The following MICAL2 variants were observed in gnomAD, a reference collection of about 807,000 sequenced individuals.
MICAL2 encodes microtubule associated monooxygenase, calponin and LIM domain containing 2.
In MICAL2, 77 loss-of-function variants were observed where a neutral mutation model predicts 127.3. That is an observed-to-expected ratio of 0.60 (90% CI 0.50 to 0.73). MICAL2 has a LOEUF of 0.73. Among genes scored for constraint, MICAL2 ranks in the 30% least tolerant of loss-of-function variants. The probability of loss-of-function intolerance (pLI) is 0.00; values close to 1 mark genes in which losing one functional copy is unlikely to be tolerated. For synonymous variants in MICAL2, 570 were observed against 551.1 expected, an observed-to-expected ratio of 1.03 and a Z score of -0.48; for missense variants, 1,351 against 1,434.4, an observed-to-expected ratio of 0.94 and a Z score of 0.94.
chr11:12,239,436 C>G lies in MICAL2; in HGVS notation c.2065C>G (p.Pro689Ala), dbSNP rs770109862. ...RRKGFTNLDE[P>A]SNFSSRSLGS... is the part of the protein sequence containing the mutation. ...CAGTGTCCCGTTTCAACCTTTGCAG[C>G]CTTCAAACTTTTCCAGCCGTAGCTT... The change falls in exon 17 of 28, where the codon CCT (proline) becomes GCT (alanine). Residue 689 changes from proline (P) to alanine (A), a missense_variant and splice_region_variant. Physicochemically the swap from Pro to Ala is conservative, Grantham distance 27 (BLOSUM62 -1). Around this residue, in one of 2 missense-constraint regions of MICAL2, gnomAD observed 752 missense variants for 719.4 expected, o/e 1.05. Transcript: ENST00000683283. 1.2e-5 allele frequency: 20 copies of G among 1,613,930 alleles called. No individual in the cohort carries two copies. The East Asian group carries it at 2.7e-4, about 22-fold the overall frequency.
Position 12,226,498 on chromosome 11 carries a change from G to A in MICAL2, c.1888+128G>A, listed in dbSNP as rs1857465770. 9.0e-6 allele frequency: 8 copies of A among 892,134 alleles called. No individual in the cohort carries two copies. In the South Asian group the frequency reaches 1.4e-4, roughly 15 times the overall value. The allele number at this position is 892,134 out of a possible 1,614,324, so 55.3% of individuals were successfully genotyped here. A position where few individuals can be genotyped will look rare whatever the true frequency, so the allele number is the denominator to read the frequency against. ...CCAGTGTGTTCCCCTTGACTTTGAG[G>A]CCAAACAGGGGTGACTCCACTCACC... On this transcript the variant is annotated intron_variant, in intron 14 of 27. Coordinates refer to ENST00000683283, the MANE Select transcript of MICAL2 (RefSeq NM_001282663.2).
At chr11:12,166,040 C>T (rs1226393436) in intron 3 of MICAL2, among the ~76,000 whole-genome samples, 2 of 152,132 alleles carry the variant, frequency 1.3e-5, no homozygotes, top group African/African-American at 2.4e-5. Flanking sequence ...AGGGTAACAC[C>T]TGACTCGAAT....
At chr11:12,248,489 G>A (rs192402962) in intron 21 of MICAL2, among the ~76,000 whole-genome samples, 3 of 152,318 alleles carry the variant, frequency 2.0e-5, no homozygotes, top group Admixed American at 1.3e-4. Flanking sequence ...TTGCCATGCC[G>A]TTGAGCTCTT....
rs143558223 is a variant in MICAL2 at position 12,317,786 on chromosome 11, C to T, written c.5213-1910C>T. Among the ~76,000 whole-genome samples, 1,187 of 123,966 alleles carry T rather than the reference C, an allele frequency of 9.6e-3. 13 individuals carry two copies. The highest frequency in any genetic ancestry group is 0.03 in the African/African-American group (1,142 of 38,552). The allele number at this position is 123,966 out of a possible 152,430, so 81.3% of individuals were successfully genotyped here. A position where few individuals can be genotyped will look rare whatever the true frequency, so the allele number is the denominator to read the frequency against. On this transcript the variant is annotated intron_variant, in intron 29 of 34. Transcript: ENST00000646065. ...CAGCCTGAGTGACAGAGCAAGACTCCGTCTCAAAAAAAAAAAAAAGTACTA... is the reference window on the plus strand; with the variant it reads ...CAGCCTGAGTGACAGAGCAAGACTCTGTCTCAAAAAAAAAAAAAAGTACTA...
At chr11:12,317,755 A>G (rs1201828125) in intron 29 of MICAL2, among the ~76,000 whole-genome samples, 8 of 151,480 alleles carry the variant, frequency 5.3e-5, no homozygotes, top group East Asian at 1.9e-4. Context: ...TCATGCCACT[A>G]CACTCCAGCC....
At chr11:12,271,999 G>GT (rs1863680623), upstream of MICAL2, among the ~76,000 whole-genome samples, 1 of 152,178 alleles carries the variant, frequency 6.6e-6, no homozygotes, top group African/African-American at 2.4e-5. Flanking sequence ...CGCTGGCCCT[G>GT]GCTCTGTGCT....
Position 12,162,114 on chromosome 11 carries a change from C to G in MICAL2, c.-42C>G, listed in dbSNP as rs372247787. 6.2e-7 allele frequency: 1 copy of G among 1,612,118 alleles called. No individual in the cohort carries two copies. The highest frequency in any genetic ancestry group is 8.5e-7 in the Non-Finnish European group (1 of 1,179,252). On this transcript the variant is annotated 5_prime_UTR_variant, in exon 3 of 28. Transcript: ENST00000683283. ...TCTCCAGATACTTCATGCTGTTCAC[C>G]TGTGTCCTCGCCGCACCACTGCCGC...
chr11:12,136,555 A>G (rs1851854242), intron 1 of MICAL2, among the ~76,000 whole-genome samples: 1 of 152,054 alleles, frequency 6.6e-6, no homozygotes, highest in Admixed American at 6.5e-5. Flanking sequence ...GGGGCAGCTG[A>G]ATGGGGTCCT....
chr11:12,304,554 G>A (rs1414475935), intron 29 of MICAL2, among the ~76,000 whole-genome samples: 2 of 152,016 alleles, frequency 1.3e-5, no homozygotes, highest in African/African-American at 4.8e-5. Flanking sequence ...AGAATTGCTT[G>A]AACTTGGGAG....
chr11:12,254,791 G>A (rs1360693910), intron 22 of MICAL2: 5 of 152,018 alleles, frequency 3.3e-5, no homozygotes, highest in Admixed American at 6.6e-5. Context: ...TGCACCCCAC[G>A]GTGAATGTAA....
chr11:12,329,640 C>A (rs1864392030), intron 32 of MICAL2, among the ~76,000 whole-genome samples: 1 of 152,124 alleles, frequency 6.6e-6, no homozygotes, highest in Non-Finnish European at 1.5e-5. Context: ...ATTATCAGGT[C>A]ATTTTGAGAA....
intron 2 of MICAL2, among the ~76,000 whole-genome samples, chr11:12,152,133 C>CA (rs71037057): frequency 0.12 from 15,377 of 123,394 alleles, 1,169 homozygotes; most frequent in African/African-American, 0.24. Flanking sequence ...ACTAAAAATA[C>CA]AAAAAAAAAA....
intron 29 of MICAL2, among the ~76,000 whole-genome samples, chr11:12,298,408 C>T (rs529608956): frequency 6.6e-6 from 1 of 152,078 alleles, no homozygotes; most frequent in Non-Finnish European, 1.5e-5. Flanking sequence ...TGAGTTCCCC[C>T]CATATATACA....
chr11:12,294,526 C>T, downstream of MICAL2: 1 of 1,614,126 alleles, frequency 6.2e-7, no homozygotes, highest in Non-Finnish European at 8.5e-7. Flanking sequence ...CACCCTGCAG[C>T]AAGATTGAAG....
chr11:12,318,106 A>T (rs1429364883), intron 29 of MICAL2, among the ~76,000 whole-genome samples: 1 of 152,214 alleles, frequency 6.6e-6, no homozygotes, highest in Non-Finnish European at 1.5e-5. Flanking sequence ...GCTGCTACCA[A>T]CAATAAGAAC....
intron 32 of MICAL2, among the ~76,000 whole-genome samples, chr11:12,342,168 C>A (rs897631738): frequency 6.6e-6 from 1 of 152,248 alleles, no homozygotes; most frequent in African/African-American, 2.4e-5. Flanking sequence ...CTGGGCCATT[C>A]TATTCACAGG....
At chr11:12,222,854 C>A in intron 11 of MICAL2, 111 bp downstream of exon 11, 2 of 1,377,482 alleles carry the variant, frequency 1.5e-6, no homozygotes, top group Non-Finnish European at 2.0e-6. Flanking sequence ...CTAAGGCCAC[C>A]AAGGCCTGCT....
At chr11:12,290,021 C>T (rs927576056), downstream of MICAL2, among the ~76,000 whole-genome samples, 17 of 152,164 alleles carry the variant, frequency 1.1e-4, no homozygotes, top group Non-Finnish European at 2.1e-4. Flanking sequence ...CTTCCAGGCT[C>T]CCCTTCACCA....
At chr11:12,260,332 C>G (rs1049901002) in intron 26 of MICAL2, 20 of 1,409,744 alleles carry the variant, frequency 1.4e-5, no homozygotes, top group Non-Finnish European at 1.7e-5. Flanking sequence ...CTGGCCTTAT[C>G]AGGGTGAACA....
Sources: allele counts gnomAD v4.1 joint callset (sites outside exome capture counted in the v4.1 genomes callset), GRCh38; gene constraint gnomAD v4.1.1; regional missense constraint gnomAD v4.1.1; transcripts MANE v1.5; gene names NCBI Gene and HGNC (gene_info 2026-07-23, HGNC 2026-07-21).